The following UNC5A variants were observed in gnomAD, a reference collection of about 807,000 sequenced individuals.
UNC5A encodes the protein unc-5 netrin receptor A, also known as netrin receptor UNC5A.
A neutral mutation model predicts 87.4 loss-of-function variants in UNC5A; 20 were observed. That is an observed-to-expected ratio of 0.23 (90% CI 0.16 to 0.33). UNC5A has a LOEUF of 0.33. Among genes scored for constraint, UNC5A ranks in the 10% least tolerant of loss-of-function variants. The probability of loss-of-function intolerance (pLI) is 1.00; values close to 1 mark genes in which losing one functional copy is unlikely to be tolerated. For missense variants in UNC5A, 844 were observed against 1,133.4 expected (o/e 0.74, Z 3.67); for synonymous variants, 438 against 482.3 (o/e 0.91, Z 1.20).
chr5:176,832,835 A>G (rs1041600284), intron 1 of UNC5A, among the ~76,000 whole-genome samples: 10 of 152,178 alleles, frequency 6.6e-5, no homozygotes, highest in African/African-American at 1.9e-4. Context: ...GTGATCTCCA[A>G]ATGAGGACTC....
At chr5:176,846,247 G>A (rs1222519552) in intron 1 of UNC5A, among the ~76,000 whole-genome samples, 1 of 152,112 alleles carries the variant, frequency 6.6e-6, no homozygotes, top group East Asian at 1.9e-4. Context: ...AGGAGCCCTG[G>A]AGGCTGAGCC....
chr5:176,858,258 G>A (rs1355193171), intron 1 of UNC5A, among the ~76,000 whole-genome samples: 1 of 152,216 alleles, frequency 6.6e-6, no homozygotes, highest in Non-Finnish European at 1.5e-5. Flanking sequence ...GGGTGAGATG[G>A]CATGTGTGGT....
chr5:176,858,465 G>A (rs1436737626), intron 1 of UNC5A, among the ~76,000 whole-genome samples: 1 of 152,124 alleles, frequency 6.6e-6, no homozygotes, highest in Admixed American at 6.5e-5. Context: ...ACTGACTGGG[G>A]CCAGAACGTG....
Position 176,858,788 on chromosome 5 carries a change from CAGGG to C in UNC5A, c.71-3822_71-3819del, listed in dbSNP as rs70991579. ...GAAGGAAGGAAGGCAAGCAAGCAGG[CAGGG>C]AGGGAGGGAGGGAAGGAAAGAAAGA... On this transcript the variant is annotated intron_variant, in intron 1 of 14. Transcript: ENST00000329542. Among the ~76,000 whole-genome samples, 11 of 59,358 alleles carry C rather than the reference CAGGG, an allele frequency of 1.9e-4. No individual in the cohort carries two copies. The South Asian group carries it at 5.4e-3, about 29-fold the overall frequency. The allele number at this position is 59,358 out of a possible 152,430, so 38.9% of individuals were successfully genotyped here. A position where few individuals can be genotyped will look rare whatever the true frequency, so the allele number is the denominator to read the frequency against.
intron 6 of UNC5A, among the ~76,000 whole-genome samples, chr5:176,872,916 C>T (rs1246708113): frequency 1.4e-5 from 2 of 138,710 alleles, no homozygotes; most frequent in Admixed American, 7.1e-5. Flanking sequence ...TCCCATCTGC[C>T]CACACTCACC....
chr5:176,877,055 A>G lies in UNC5A; in HGVS notation c.1379-137A>G, dbSNP rs952006883. ...TGTGGGGGTGGTTGGTCAGCACGGC[A>G]GTCTTTGAGGCCCCTCTGTCCCCAG... On this transcript the variant is annotated intron_variant, in intron 8 of 14. Transcript: ENST00000329542. 4.5e-6 allele frequency: 3 copies of G among 673,760 alleles called. No individual in the cohort carries two copies. The African/African-American group carries it at 5.6e-5, about 12-fold the overall frequency. 41.7% of individuals were successfully genotyped at this position (673,760 alleles called of 1,614,324 possible).
In UNC5A at chr5:176,840,819, T is replaced by G. The variant is rs867569999; in HGVS notation, c.71-21805T>G. Among the ~76,000 whole-genome samples, 18 of 152,360 alleles carry G rather than the reference T, an allele frequency of 1.2e-4. 1 individual carries two copies. Among genetic ancestry groups the G allele is most frequent in the Middle Eastern group, 6.8e-3 (2 of 294 alleles). Reference sequence around the variant, plus strand: ...CAGACGACAGGGAGACCTGCCCCCATGAGCCCACGCTGACAGCCCTGGAAA... The same window carrying G: ...CAGACGACAGGGAGACCTGCCCCCAGGAGCCCACGCTGACAGCCCTGGAAA... On this transcript the variant is annotated intron_variant, in intron 1 of 14. Transcript: ENST00000329542.
At chr5:176,822,311 G>C (rs114367428) in intron 1 of UNC5A, among the ~76,000 whole-genome samples, 1 of 152,224 alleles carries the variant, frequency 6.6e-6, no homozygotes, top group East Asian at 1.9e-4. Context: ...CAGGATCTGC[G>C]GTTGATAAAA....
At chr5:176,834,745 C>G (rs776181679) in intron 1 of UNC5A, among the ~76,000 whole-genome samples, 48 of 148,078 alleles carry the variant, frequency 3.2e-4, no homozygotes, top group Non-Finnish European at 4.9e-4. Context: ...TCTCCCTCTC[C>G]CTCTCTCTCT....
rs368793119 is a variant in UNC5A at position 176,840,684 on chromosome 5, C to G, written c.71-21940C>G. Among the ~76,000 whole-genome samples the G allele has an allele frequency of 2.2e-4, 34 of 152,336 alleles. 1 individual carries two copies. In the South Asian group the frequency reaches 3.9e-3, roughly 18 times the overall value. On this transcript the variant is annotated intron_variant, in intron 1 of 14. Coordinates refer to ENST00000329542, the MANE Select transcript of UNC5A (RefSeq NM_133369.3). ...GCAGGACAAAAGGGGGCCTCTCCCCCCCTGGCCCAGGCGTCCCTGGTGCCC... is the reference window on the plus strand; with the variant it reads ...GCAGGACAAAAGGGGGCCTCTCCCCGCCTGGCCCAGGCGTCCCTGGTGCCC...
intron 1 of UNC5A, among the ~76,000 whole-genome samples, chr5:176,811,456 C>T (rs1756452095): frequency 6.6e-6 from 1 of 152,214 alleles, no homozygotes; most frequent in African/African-American, 2.4e-5. Flanking sequence ...CTCCTGGCCT[C>T]CCTGGTGCGG....
In UNC5A at chr5:176,858,772, A is replaced by AAGGAAGGAAGGC. The variant is rs1304121118; in HGVS notation, c.71-3849_71-3848insAAGGAAGGCAGG. Among the ~76,000 whole-genome samples, 156 of 140,186 alleles carry AAGGAAGGAAGGC rather than the reference A, an allele frequency of 1.1e-3. 1 individual carries two copies. The highest frequency in any genetic ancestry group is 7.1e-3 in the Middle Eastern group (2 of 282). The allele number at this position is 140,186 out of a possible 152,430, so 92.0% of individuals were successfully genotyped here. The stretch of plus-strand genomic sequence containing the variant: ...GAAGGAAGGAAGGAAGGAAGGAAGG[A>AAGGAAGGAAGGC]AGGCAAGCAAGCAGGCAGGGAGGGA... On this transcript the variant is annotated intron_variant, in intron 1 of 14. Coordinates refer to ENST00000329542, the MANE Select transcript of UNC5A (RefSeq NM_133369.3).
At chr5:176,859,583 A>AATG (rs1376604434) in intron 1 of UNC5A, among the ~76,000 whole-genome samples, 11 of 71,240 alleles carry the variant, frequency 1.5e-4, no homozygotes, top group Non-Finnish European at 3.2e-4. Flanking sequence ...TGGCTGCTAG[A>AATG]ATGTCCTTGC....
chr5:176,875,840 G>T lies in UNC5A; in HGVS notation c.1378+1274G>T, dbSNP rs1170634205. ...ACCCCCTGCCCCTCCCACCAGCTCAGCTGGGACTTCTCTTTTGGGTCCCCG... is the reference window on the plus strand; with the variant it reads ...ACCCCCTGCCCCTCCCACCAGCTCATCTGGGACTTCTCTTTTGGGTCCCCG... On this transcript the variant is annotated intron_variant, in intron 8 of 14. Transcript: ENST00000329542. The surrounding 1 kb of genome is among the most constrained non-coding windows in gnomAD (Gnocchi z 5.2). Among the ~76,000 whole-genome samples, 1 of 152,224 alleles carries T rather than the reference G, an allele frequency of 6.6e-6. No individual in the cohort carries two copies. The highest frequency in any genetic ancestry group is 1.9e-4 in the East Asian group (1 of 5,190).
chr5:176,813,317 G>T (rs1033129507), intron 1 of UNC5A, among the ~76,000 whole-genome samples: 2 of 152,186 alleles, frequency 1.3e-5, no homozygotes, highest in South Asian at 2.1e-4. Flanking sequence ...CCATGCTCTG[G>T]CATTGCTGCA....
chr5:176,840,624 C>T (rs951332222), intron 1 of UNC5A, among the ~76,000 whole-genome samples: 1 of 152,196 alleles, frequency 6.6e-6, no homozygotes, highest in African/African-American at 2.4e-5. Context: ...GGGGACCCTC[C>T]CTCTGCAGAT....
At chr5:176,864,471 T>A (rs962818153) in intron 2 of UNC5A, among the ~76,000 whole-genome samples, 26 of 152,206 alleles carry the variant, frequency 1.7e-4, no homozygotes, top group Admixed American at 1.6e-3. Flanking sequence ...CTGGCAGTGA[T>A]CTGAGGTGAG....
chr5:176,862,518 T>C (rs1459695667), intron 1 of UNC5A, 106 bp from the exon 2 acceptor site: 21 of 1,052,506 alleles, frequency 2.0e-5, no homozygotes, highest in Non-Finnish European at 2.8e-5. Flanking sequence ...CTGGACTCAC[T>C]CTCCTCCCAT....
intron 13 of UNC5A, 82 bp downstream of exon 13, chr5:176,878,721 C>T: frequency 6.6e-7 from 1 of 1,507,042 alleles, no homozygotes; most frequent in East Asian, 2.4e-5. Flanking sequence ...TCCTGCCCTG[C>T]CTGCCCTGCC....
Sources: allele counts gnomAD v4.1 joint callset (sites outside exome capture counted in the v4.1 genomes callset), GRCh38; gene constraint gnomAD v4.1.1; non-coding constraint Gnocchi (gnomAD v3.1); transcripts MANE v1.5; gene names NCBI Gene and HGNC (gene_info 2026-07-23, HGNC 2026-07-21).